COL21A1: variants seen among roughly 807,000 people sequenced by gnomAD.
COL21A1 encodes collagen alpha-1(XXI) chain.
Under a neutral mutation model 137.9 loss-of-function variants are expected in COL21A1, and 149 were observed. The observed-to-expected ratio is 1.08, with a 90% CI of 0.95 to 1.24. COL21A1 has a LOEUF of 1.24. Ranked by LOEUF, COL21A1 falls within the 50% of genes most tolerant of loss-of-function variation. The pLI, the probability that COL21A1 is intolerant of heterozygous loss-of-function variation, is 0.00. For missense variants in COL21A1, 1,167 were observed against 1,158.4 expected, an observed-to-expected ratio of 1.01 and a Z score of -0.11; for synonymous variants, 456 against 391.5, an observed-to-expected ratio of 1.16 and a Z score of -1.95.
At chr6:56,300,283 G>C (rs936175535) in intron 1 of COL21A1, among the ~76,000 whole-genome samples, 2 of 152,100 alleles carry the variant, frequency 1.3e-5, no homozygotes, top group Non-Finnish European at 2.9e-5. Flanking sequence ...AAGGAGTGGA[G>C]AGTGGAATTA....
At chr6:56,164,369 AC>A (rs1186131515) in intron 9 of COL21A1, 53 bp downstream of exon 9, 46 of 1,139,586 alleles carry the variant, frequency 4.0e-5, no homozygotes, top group Non-Finnish European at 6.0e-5. Flanking sequence ...TGTATGGTTT[AC>A]CCAGCTCTTG....
intron 10 of COL21A1, among the ~76,000 whole-genome samples, chr6:56,154,687 C>CATTTATATTTATCCTTCTAAATCATAA (rs1775606229): frequency 6.6e-6 from 1 of 152,128 alleles, no homozygotes; most frequent in African/African-American, 2.4e-5. Flanking sequence ...CTCCAAATAG[C>CATTTATATTTATCCTTCTAAATCATAA]ATTTATATTT....
intron 16 of COL21A1, among the ~76,000 whole-genome samples, chr6:56,121,534 A>G (rs1772517758): frequency 7.1e-6 from 1 of 141,398 alleles, no homozygotes; most frequent in Non-Finnish European, 1.5e-5. Context: ...ACATATACAT[A>G]TATATGTATA....
At chr6:56,312,029 G>T (rs1764627405) in intron 1 of COL21A1, among the ~76,000 whole-genome samples, 1 of 152,162 alleles carries the variant, frequency 6.6e-6, no homozygotes, top group South Asian at 2.1e-4. Context: ...GTGTGAGCAG[G>T]GAACTATAAA....
chr6:56,194,901 T>C (rs1373117500), intron 1 of COL21A1, among the ~76,000 whole-genome samples: 1 of 152,070 alleles, frequency 6.6e-6, no homozygotes, highest in East Asian at 1.9e-4. Context: ...TTTTAAAAGG[T>C]GATTGGGTCA....
At chr6:56,315,060 T>C (rs1764701649) in intron 1 of COL21A1, among the ~76,000 whole-genome samples, 1 of 152,248 alleles carries the variant, frequency 6.6e-6, no homozygotes, top group Non-Finnish European at 1.5e-5. Context: ...TAATAAATGC[T>C]ATAAACATTT....
At chr6:56,268,028 T>C (rs1234355330) in intron 1 of COL21A1, among the ~76,000 whole-genome samples, 1 of 152,116 alleles carries the variant, frequency 6.6e-6, no homozygotes, top group East Asian at 1.9e-4. Context: ...TGGAGCTAGA[T>C]CCCAAGGGTC....
rs191573265 is a variant in COL21A1 at position 56,371,971 on chromosome 6, G to C, written c.-39+22000C>G. On this transcript the variant is annotated intron_variant, in intron 1 of 28. Coordinates refer to the COL21A1 transcript ENST00000370819. ...CTGGGTTGGACCCAAGAAACAGGGA[G>C]GCCAGAGGTGCTTAGCAAAGTGAAG... Among the ~76,000 whole-genome samples, 297 of 152,280 alleles carry C rather than the reference G, an allele frequency of 2.0e-3. 4 individuals carry two copies. The highest frequency in any genetic ancestry group is 0.01 in the Middle Eastern group (3 of 294).
At chr6:56,390,944 C>T (rs2094028412) in intron 1 of COL21A1, among the ~76,000 whole-genome samples, 2 of 152,154 alleles carry the variant, frequency 1.3e-5, no homozygotes, top group Non-Finnish European at 2.9e-5. Flanking sequence ...AAACATCAGA[C>T]TTAATCTGCA....
intron 1 of COL21A1, among the ~76,000 whole-genome samples, chr6:56,246,486 A>G (rs1488963219): frequency 6.7e-6 from 1 of 150,370 alleles, no homozygotes; most frequent in African/African-American, 2.4e-5. Context: ...TTTTTTCAAT[A>G]TGGGCAAAAC....
At chr6:56,270,225 C>G (rs1169396754) in intron 1 of COL21A1, among the ~76,000 whole-genome samples, 1 of 152,154 alleles carries the variant, frequency 6.6e-6, no homozygotes, top group Non-Finnish European at 1.5e-5. Flanking sequence ...AGAGAAAGAT[C>G]TACCCCGCAA....
chr6:56,338,154 G>A lies in COL21A1; in HGVS notation c.-39+55817C>T, dbSNP rs570454768. ...ATTTTTGTATTTTTTTAGTAGAGAC[G>A]GGGGTTTCACCATATTGGTCAGGCT... On this transcript the variant is annotated intron_variant, in intron 1 of 28. Coordinates refer to the COL21A1 transcript ENST00000370819. Among the ~76,000 whole-genome samples the A allele has an allele frequency of 4.0e-4, 61 of 151,722 alleles. 3 individuals are homozygous for A. The South Asian group carries it at 0.012, about 30-fold the overall frequency.
chr6:56,290,028 T>A (rs1764003705), intron 1 of COL21A1, among the ~76,000 whole-genome samples: 1 of 152,120 alleles, frequency 6.6e-6, no homozygotes, highest in Non-Finnish European at 1.5e-5. Flanking sequence ...CCTCTGCCAC[T>A]GGACTGTCTT....
intron 12 of COL21A1, among the ~76,000 whole-genome samples, chr6:56,130,271 A>T (rs1203907430): frequency 6.8e-6 from 1 of 146,860 alleles, no homozygotes; most frequent in African/African-American, 2.5e-5. Flanking sequence ...AATTATATAC[A>T]TGTATATTAT....
intron 1 of COL21A1, among the ~76,000 whole-genome samples, chr6:56,329,820 G>C (rs549010208): frequency 2.0e-5 from 3 of 152,166 alleles, no homozygotes; most frequent in African/African-American, 7.2e-5. Flanking sequence ...GTGATTCTTA[G>C]CATAGTCTAG....
chr6:56,216,471 A>G (rs1780496116), intron 1 of COL21A1, among the ~76,000 whole-genome samples: 1 of 152,074 alleles, frequency 6.6e-6, no homozygotes, highest in African/African-American at 2.4e-5. Flanking sequence ...GAAGTCTTTT[A>G]AAGCCCAATT....
Position 56,265,803 on chromosome 6 carries a change from T to C in COL21A1, c.-38-83147A>G, listed in dbSNP as rs115489390. Among the ~76,000 whole-genome samples the C allele has an allele frequency of 1.0e-2, 1,518 of 152,232 alleles. 11 individuals are homozygous for C. The highest frequency in any genetic ancestry group is 0.017 in the Middle Eastern group (5 of 294). On this transcript the variant is annotated intron_variant, in intron 1 of 28. Transcript: ENST00000370819. ...TTGACAGAAACATTTTAGGAAAAAATATCTTCCTAGATAGTTTGAAAACAT... is the reference window on the plus strand; with the variant it reads ...TTGACAGAAACATTTTAGGAAAAAACATCTTCCTAGATAGTTTGAAAACAT...
intron 1 of COL21A1, among the ~76,000 whole-genome samples, chr6:56,183,959 C>T (rs905984484): frequency 1.5e-4 from 23 of 151,988 alleles, no homozygotes; most frequent in Non-Finnish European, 3.1e-4. Context: ...GATAAGTAAA[C>T]TTGAGGATAA....
chr6:56,069,232 C>T (rs1005320551), intron 21 of COL21A1, 115 bp from the exon 22 acceptor site: 2 of 555,960 alleles, frequency 3.6e-6, no homozygotes, highest in African/African-American at 2.1e-5. Context: ...AATGTATTGA[C>T]AGTTACTACT....
Sources: gnomAD v4.1 joint callset for allele counts (sites outside exome capture counted in the v4.1 genomes callset) on GRCh38, gnomAD v4.1.1 for gene constraint, MANE v1.5 for transcripts, NCBI Gene and HGNC (gene_info 2026-07-23, HGNC 2026-07-21) for gene names.